Variants in RBFOX1 observed in about 807,000 individuals in gnomAD.
RBFOX1 encodes the protein RNA binding fox-1 homolog 1.
Under a neutral mutation model 57.7 loss-of-function variants are expected in RBFOX1, and 8 were observed. That is an observed-to-expected ratio of 0.14 (90% CI 0.08 to 0.25). RBFOX1 has a LOEUF of 0.25. Among genes scored for constraint, RBFOX1 ranks in the 10% least tolerant of loss-of-function variants. RBFOX1 has a pLI of 1.00. For synonymous variants in RBFOX1, 326 were observed against 222.4 expected (o/e 1.47, Z -4.15); for missense variants, 611 against 548.5 (o/e 1.11, Z -1.14).
chr16:6,129,350 T>C (rs539086643), intron 1 of RBFOX1, among the ~76,000 whole-genome samples: 1 of 151,898 alleles, frequency 6.6e-6, no homozygotes, highest in Non-Finnish European at 1.5e-5. Context: ...AAATGGAAAG[T>C]TTAGAAAGGA....
At chr16:6,674,011 T>C (rs1487946748) in intron 3 of RBFOX1, among the ~76,000 whole-genome samples, 1 of 152,130 alleles carries the variant, frequency 6.6e-6, no homozygotes, top group East Asian at 1.9e-4. Context: ...ATTACTTCTT[T>C]TAGAGACATG....
At chr16:5,961,371 A>G (rs145104607) in intron 4 of RBFOX1, among the ~76,000 whole-genome samples, 2 of 152,268 alleles carry the variant, frequency 1.3e-5, no homozygotes, top group African/African-American at 4.8e-5. Context: ...AAAATTACTC[A>G]ATAGCAAAGC....
At chr16:7,385,383 A>T (rs1355043680) in intron 4 of RBFOX1, among the ~76,000 whole-genome samples, 2 of 152,160 alleles carry the variant, frequency 1.3e-5, no homozygotes, top group Admixed American at 1.3e-4. Context: ...CGTTGTAGAA[A>T]ATTAACAGGC....
chr16:5,631,072 G>T (rs185740991), intron 3 of RBFOX1, among the ~76,000 whole-genome samples: 1 of 152,292 alleles, frequency 6.6e-6, no homozygotes, highest in Middle Eastern at 3.4e-3. Flanking sequence ...TCCCCAAAAC[G>T]TGACTGTTGG....
At position 7,270,228 on chromosome 16, in the gene RBFOX1, T is replaced by C. The variant is rs538658807; in HGVS notation, c.27+218130T>C. ...GCAGGAGCAGGAACCTGAGAGGACC[T>C]TCTCAGTTAGGTGTGAAATAGGAAA... On this transcript the variant is annotated intron_variant, in intron 4 of 15. Transcript: ENST00000550418. 7.0e-4 allele frequency among the ~76,000 whole-genome samples: 107 copies of C among 152,340 alleles called. 4 individuals carry two copies. In the South Asian group the frequency reaches 0.022, roughly 31 times the overall value.
chr16:6,774,750 A>G (rs1010126436), intron 3 of RBFOX1, among the ~76,000 whole-genome samples: 2 of 152,070 alleles, frequency 1.3e-5, no homozygotes, highest in Non-Finnish European at 2.9e-5. Flanking sequence ...AATTAGTTCA[A>G]CTGTTGAGTT....
intron 3 of RBFOX1, among the ~76,000 whole-genome samples, chr16:6,961,447 C>G (rs2082988982): frequency 6.6e-6 from 1 of 152,154 alleles, no homozygotes; most frequent in African/African-American, 2.4e-5. Context: ...CTTTTGTTAT[C>G]AGAAAGGGGT....
chr16:5,384,090 A>G (rs562566375), intron 1 of RBFOX1, among the ~76,000 whole-genome samples: 1 of 152,086 alleles, frequency 6.6e-6, no homozygotes, highest in East Asian at 1.9e-4. Context: ...TGTCCAGGCC[A>G]CTCCGTCAGG....
intron 1 of RBFOX1, among the ~76,000 whole-genome samples, chr16:5,324,205 G>A (rs2064495469): frequency 6.6e-6 from 1 of 152,236 alleles, no homozygotes; most frequent in Admixed American, 6.5e-5. Flanking sequence ...GCTCATGCCT[G>A]TAATCCCAGC....
At chr16:6,395,930 G>A (rs1348365570) in intron 2 of RBFOX1, among the ~76,000 whole-genome samples, 1 of 151,778 alleles carries the variant, frequency 6.6e-6, no homozygotes, top group Non-Finnish European at 1.5e-5. Context: ...GCTGGTCATG[G>A]TGGCGTGCAC....
At chr16:6,920,030 T>G (rs768286230) in intron 3 of RBFOX1, among the ~76,000 whole-genome samples, 4 of 152,174 alleles carry the variant, frequency 2.6e-5, no homozygotes, top group Admixed American at 2.6e-4. Context: ...ACGGAAAATA[T>G]GATATTTGTT....
At chr16:6,702,996 G>A (rs965001196) in intron 3 of RBFOX1, among the ~76,000 whole-genome samples, 4 of 152,166 alleles carry the variant, frequency 2.6e-5, no homozygotes, top group African/African-American at 4.8e-5. Flanking sequence ...TTCTAGGTAC[G>A]TTATCTAAGT....
chr16:5,968,397 G>A (rs1005628855), intron 4 of RBFOX1, among the ~76,000 whole-genome samples: 10 of 152,036 alleles, frequency 6.6e-5, no homozygotes, highest in South Asian at 2.1e-4. Flanking sequence ...TTTAGGGGAC[G>A]ATCAATGAGG....
At chr16:7,546,515 A>G (rs1025697020) in intron 5 of RBFOX1, among the ~76,000 whole-genome samples, 6 of 152,216 alleles carry the variant, frequency 3.9e-5, no homozygotes, top group South Asian at 4.1e-4. Context: ...AATAATAAGC[A>G]TAGTTATTTC....
chr16:7,462,467 G>C (rs1398519810), intron 4 of RBFOX1, among the ~76,000 whole-genome samples: 1 of 152,134 alleles, frequency 6.6e-6, no homozygotes, highest in Non-Finnish European at 1.5e-5. Flanking sequence ...CGCCAGCCTG[G>C]GCAACACAGC....
At chr16:6,077,157 T>C (rs978439788) in intron 1 of RBFOX1, among the ~76,000 whole-genome samples, 8 of 152,182 alleles carry the variant, frequency 5.3e-5, no homozygotes, top group Admixed American at 5.2e-4. Flanking sequence ...GTTAGATGGC[T>C]TTTAGACACC....
chr16:6,794,508 A>G (rs1603624854), intron 3 of RBFOX1, among the ~76,000 whole-genome samples: 1 of 152,092 alleles, frequency 6.6e-6, no homozygotes, highest in African/African-American at 2.4e-5. Flanking sequence ...TAATGACTAC[A>G]TATGGTCATT....
intron 1 of RBFOX1, among the ~76,000 whole-genome samples, chr16:6,312,702 TTCCTTCCTTC>T: frequency 6.9e-6 from 1 of 145,944 alleles, no homozygotes; most frequent in South Asian, 2.2e-4. Flanking sequence ...CCTTCCTTCC[TTCCTTCCTTC>T]CTCCATTCCT....
intron 2 of RBFOX1, among the ~76,000 whole-genome samples, chr16:6,563,234 C>G (rs2097208315): frequency 6.6e-6 from 1 of 152,138 alleles, no homozygotes; most frequent in South Asian, 2.1e-4. Flanking sequence ...ACAATTTTAG[C>G]ATCCTGTGCA....
Sources: allele counts gnomAD v4.1 joint callset (sites outside exome capture counted in the v4.1 genomes callset), GRCh38; gene constraint gnomAD v4.1.1; transcripts MANE v1.5; gene names NCBI Gene and HGNC (gene_info 2026-07-23, HGNC 2026-07-21).